Variants in CREM observed in about 807,000 individuals in gnomAD.
CREM encodes cAMP responsive element modulator, also known as cAMP-responsive element modulator.
Under a neutral mutation model 37.3 loss-of-function variants are expected in CREM, and 13 were observed. The ratio of observed to expected loss-of-function variants is 0.35; its 90% CI spans 0.23 to 0.55. The LOEUF (loss-of-function observed/expected upper bound fraction) is 0.55, where lower values mean the gene tolerates loss of function less well. Ranked by LOEUF, CREM falls within the 20% of genes least tolerant of loss-of-function variation. CREM has a pLI of 0.88. For synonymous variants in CREM, 124 were observed against 120.2 expected, an observed-to-expected ratio of 1.03 and a Z score of -0.21; for missense variants, 296 against 362.3, an observed-to-expected ratio of 0.82 and a Z score of 1.49.
At chr10:35,159,071 A>G (rs2093127997) in intron 3 of CREM, among the ~76,000 whole-genome samples, 1 of 152,118 alleles carries the variant, frequency 6.6e-6, no homozygotes, top group Admixed American at 6.5e-5. Context: ...AAAGTAGTAA[A>G]TAGTTATTTG....
At chr10:35,187,091 AATATATATG>A (rs1397286375) in intron 5 of CREM, among the ~76,000 whole-genome samples, 11,114 of 70,002 alleles carry the variant, frequency 0.16, 854 homozygotes, top group Non-Finnish European at 0.2. Flanking sequence ...TATAATATAT[AATATATATG>A]ATATATATTA....
intron 5 of CREM, among the ~76,000 whole-genome samples, chr10:35,186,432 T>C (rs2094554346): frequency 6.6e-6 from 1 of 151,900 alleles, no homozygotes; most frequent in Non-Finnish European, 1.5e-5. Flanking sequence ...CTGTAGTTAC[T>C]TGAGATACTT....
chr10:35,207,276 C>T lies in CREM; in HGVS notation c.755+225C>T, dbSNP rs370577560. On this transcript the variant is annotated intron_variant, in intron 7 of 7. Transcript: ENST00000685392. ...GGGCGTGGTGGCAGGTGCCTGTAGT[C>T]CCAGCCACTTGGGAGGCTGAGGCAG... Among the ~76,000 whole-genome samples, 39 of 152,098 alleles carry T rather than the reference C, an allele frequency of 2.6e-4. No homozygotes were observed. In the East Asian group the frequency reaches 5.6e-3, roughly 22 times the overall value.
chr10:35,190,695 C>G (rs374526933), intron 6 of CREM, among the ~76,000 whole-genome samples: 3 of 151,822 alleles, frequency 2.0e-5, no homozygotes, highest in Non-Finnish European at 4.4e-5. Flanking sequence ...GATGGAGTCT[C>G]GCTCTGTTGC....
At chr10:35,127,906 C>T (rs1432198311) in intron 1 of CREM, among the ~76,000 whole-genome samples, 1 of 152,064 alleles carries the variant, frequency 6.6e-6, no homozygotes, top group African/African-American at 2.4e-5. Context: ...AATGCAGGGG[C>T]ATGATCTCGG....
intron 1 of CREM, among the ~76,000 whole-genome samples, chr10:35,130,052 C>T (rs113244796): frequency 2.0e-5 from 3 of 151,908 alleles, no homozygotes; most frequent in Non-Finnish European, 2.9e-5. Flanking sequence ...CAAAATTAGC[C>T]GGGCATGGTG....
chr10:35,194,969 GAAAC>G (rs2095087785), intron 6 of CREM, among the ~76,000 whole-genome samples: 2 of 152,018 alleles, frequency 1.3e-5, no homozygotes, highest in South Asian at 2.1e-4. Flanking sequence ...GTAAAAATGA[GAAAC>G]AAGAGCATTA....
intron 2 of CREM, among the ~76,000 whole-genome samples, chr10:35,140,910 G>A (rs1428963584): frequency 6.6e-6 from 1 of 152,216 alleles, no homozygotes; most frequent in African/African-American, 2.4e-5. Context: ...GTTGGAAAGA[G>A]TAGAGGGACT....
At chr10:35,155,228 A>C (rs2092822668) in intron 3 of CREM, among the ~76,000 whole-genome samples, 1 of 152,212 alleles carries the variant, frequency 6.6e-6, no homozygotes, top group Admixed American at 6.5e-5. Flanking sequence ...AAAATGTTCA[A>C]GTTCCCTTTC....
chr10:35,167,630 G>GT (rs894296556), intron 3 of CREM: 167 of 1,229,592 alleles, frequency 1.4e-4, no homozygotes, highest in African/African-American at 8.3e-4. Context: ...CACTATTAGG[G>GT]TTTTTTTTAA....
In CREM at chr10:35,137,788, TAAAGA is replaced by T. The variant is rs757840923; in HGVS notation, c.-44_-40del. 2 of 1,446,986 alleles carry T rather than the reference TAAAGA, an allele frequency of 1.4e-6. No homozygotes were observed. Among genetic ancestry groups the T allele is most frequent in the Non-Finnish European group, 9.4e-7 (1 of 1,067,348 alleles). 89.6% of individuals were successfully genotyped at this position (1,446,986 alleles called of 1,614,324 possible). On this transcript the variant is annotated 5_prime_UTR_variant, in exon 2 of 8. Coordinates refer to ENST00000685392, the MANE Select transcript of CREM (RefSeq NM_183011.2). Reference sequence around the variant, plus strand: ...CATTATAATTTTACTGCAGGATAAATAAAGAAAACAGGAAAGGAGGAAAGCATTGA... The same window carrying T: ...CATTATAATTTTACTGCAGGATAAATAAACAGGAAAGGAGGAAAGCATTGA...
chr10:35,138,679 A>G (rs1326138105), intron 2 of CREM, among the ~76,000 whole-genome samples: 3 of 151,900 alleles, frequency 2.0e-5, no homozygotes, highest in Admixed American at 6.6e-5. Context: ...GGGTGCCACC[A>G]TACCCGGCTA....
chr10:35,132,072 G>A (rs1391708983), intron 1 of CREM, among the ~76,000 whole-genome samples: 1 of 151,882 alleles, frequency 6.6e-6, no homozygotes, highest in Non-Finnish European at 1.5e-5. Flanking sequence ...ATGGTGGCTC[G>A]CGCGTGTAAT....
At chr10:35,140,960 AAG>A (rs963276522) in intron 2 of CREM, among the ~76,000 whole-genome samples, 1 of 152,218 alleles carries the variant, frequency 6.6e-6, no homozygotes, top group African/African-American at 2.4e-5. Flanking sequence ...CACATTGTGA[AAG>A]AGATTGAATG....
At chr10:35,152,545 A>G (rs1215064646) in intron 3 of CREM, 1 of 152,254 alleles carries the variant, frequency 6.6e-6, no homozygotes, top group East Asian at 1.9e-4. Context: ...TAGTACGGCA[A>G]ATAACTGGAA....
intron 1 of CREM, among the ~76,000 whole-genome samples, chr10:35,128,614 C>T (rs1350150764): frequency 2.6e-5 from 4 of 151,208 alleles, no homozygotes; most frequent in African/African-American, 7.3e-5. Flanking sequence ...CAAGCTCCGC[C>T]TCCTGGGTTC....
chr10:35,211,493 A>C lies in CREM; in HGVS notation c.*95A>C. On this transcript the variant is annotated 3_prime_UTR_variant, in exon 8 of 8. Coordinates refer to ENST00000685392, the MANE Select transcript of CREM (RefSeq NM_183011.2). Reference sequence around the variant, plus strand: ...TGGACTTGTGGGAAGGACACGTGTGACCCTTAAGAATCCAGTTTGGATTAG... The same window carrying C: ...TGGACTTGTGGGAAGGACACGTGTGCCCCTTAAGAATCCAGTTTGGATTAG... The C allele has an allele frequency of 1.3e-6, 2 of 1,516,954 alleles. No homozygotes were observed. The highest frequency in any genetic ancestry group is 1.8e-6 in the Non-Finnish European group (2 of 1,122,744). 94.0% of individuals were successfully genotyped at this position (1,516,954 alleles called of 1,614,324 possible).
intron 3 of CREM, among the ~76,000 whole-genome samples, chr10:35,150,062 T>C (rs1367338312): frequency 6.6e-6 from 1 of 152,188 alleles, no homozygotes; most frequent in Non-Finnish European, 1.5e-5. Flanking sequence ...GTAGCTCCTT[T>C]AGTCTTTTTG....
chr10:35,155,309 C>T (rs926720498), intron 3 of CREM, among the ~76,000 whole-genome samples: 1 of 152,004 alleles, frequency 6.6e-6, no homozygotes, highest in Non-Finnish European at 1.5e-5. Flanking sequence ...ACAGTTACTC[C>T]TTTTGCCTTT....
Sources: gnomAD v4.1 joint callset for allele counts (sites outside exome capture counted in the v4.1 genomes callset) on GRCh38, gnomAD v4.1.1 for gene constraint, MANE v1.5 for transcripts, NCBI Gene and HGNC (gene_info 2026-07-23, HGNC 2026-07-21) for gene names.